CCDC178: variants seen among roughly 807,000 people sequenced by gnomAD.
CCDC178 encodes the protein coiled-coil domain-containing protein 178.
In CCDC178, 126 loss-of-function variants were observed where a neutral mutation model predicts 117.4. That is an observed-to-expected ratio of 1.07 (90% confidence interval 0.93 to 1.24). The LOEUF (loss-of-function observed/expected upper bound fraction) is 1.24, where lower values mean the gene tolerates loss of function less well. CCDC178 is among the 50% of genes most tolerant of loss of function. The pLI is 0.00. For missense variants in CCDC178, 1,030 were observed against 986.9 expected (o/e 1.04, Z -0.59); for synonymous variants, 283 against 313.4 (o/e 0.90, Z 1.02).
intron 9 of CCDC178, among the ~76,000 whole-genome samples, chr18:33,337,876 A>G (rs1369741761): frequency 6.6e-6 from 1 of 152,184 alleles, no homozygotes; most frequent in Non-Finnish European, 1.5e-5. Context: ...AGGAACCCAA[A>G]AGCAAACGCA....
chr18:33,202,549 G>A (rs890166927), intron 20 of CCDC178, among the ~76,000 whole-genome samples: 1 of 151,994 alleles, frequency 6.6e-6, no homozygotes, highest in Non-Finnish European at 1.5e-5. Flanking sequence ...ACCTTCTAAT[G>A]TTTTCTTCAC....
intron 15 of CCDC178, among the ~76,000 whole-genome samples, chr18:33,242,899 T>C (rs1487309702): frequency 6.6e-6 from 1 of 151,830 alleles, no homozygotes; most frequent in African/African-American, 2.4e-5. Flanking sequence ...AATCCCACTA[T>C]TGTTTATTTA....
At chr18:32,981,966 G>T (rs551432452) in intron 21 of CCDC178, among the ~76,000 whole-genome samples, 1 of 152,172 alleles carries the variant, frequency 6.6e-6, no homozygotes, top group Admixed American at 6.5e-5. Flanking sequence ...TAACCATAGA[G>T]CCCAGATGTT....
intron 11 of CCDC178, among the ~76,000 whole-genome samples, chr18:33,308,165 A>G (rs1202853541): frequency 6.6e-6 from 1 of 152,238 alleles, no homozygotes; most frequent in African/African-American, 2.4e-5. Flanking sequence ...AGCCCATGAA[A>G]GCAGGCTGGA....
chr18:33,432,314 C>T (rs942637208), intron 2 of CCDC178, among the ~76,000 whole-genome samples: 6 of 51,358 alleles, frequency 1.2e-4, no homozygotes, highest in Admixed American at 2.6e-4. Flanking sequence ...TTACATACTC[C>T]GTTTCTGGGC....
intron 20 of CCDC178, among the ~76,000 whole-genome samples, chr18:33,195,625 C>T (rs1476504485): frequency 6.6e-6 from 1 of 152,114 alleles, no homozygotes; most frequent in Non-Finnish European, 1.5e-5. Flanking sequence ...TCAAGTCATC[C>T]TCATATACCT....
At chr18:32,943,810 C>T (rs2054290738) in intron 22 of CCDC178, among the ~76,000 whole-genome samples, 1 of 152,174 alleles carries the variant, frequency 6.6e-6, no homozygotes, top group African/African-American at 2.4e-5. Context: ...ATTTATTGTC[C>T]ACTTGATCTT....
chr18:33,393,023 T>C (rs992502351), intron 4 of CCDC178, among the ~76,000 whole-genome samples: 1 of 152,166 alleles, frequency 6.6e-6, no homozygotes, highest in Non-Finnish European at 1.5e-5. Flanking sequence ...GAAAGCATCA[T>C]GGTCTTCCCG....
intron 21 of CCDC178, among the ~76,000 whole-genome samples, chr18:33,016,351 T>G (rs1307152292): frequency 6.6e-6 from 1 of 152,042 alleles, no homozygotes; most frequent in Non-Finnish European, 1.5e-5. Flanking sequence ...CAGATTTTGT[T>G]TGTTTTGGCT....
chr18:33,224,769 G>C lies in CCDC178; in HGVS notation c.1818+6C>G. On this transcript the variant is annotated splice_donor_region_variant and intron_variant, in intron 17 of 22. Coordinates refer to ENST00000383096, the MANE Select transcript of CCDC178 (RefSeq NM_001105528.4). ...ACATTAATTTTTGGATTAATTAAAT[G>C]CTTACAACAGAATGTTCTTTGTCGA... 6.7e-7 allele frequency: 1 copy of C among 1,484,978 alleles called. No homozygotes were observed. Among genetic ancestry groups the C allele is most frequent in the East Asian group, 2.5e-5 (1 of 40,088 alleles). The allele number at this position is 1,484,978 out of a possible 1,614,324, so 92.0% of individuals were successfully genotyped here.
rs1046001959 is a variant in CCDC178 at position 33,311,980 on chromosome 18, G to A, written c.1022+11511C>T. Among the ~76,000 whole-genome samples the A allele has an allele frequency of 2.0e-5, 3 of 152,288 alleles. 1 individual carries two copies. The highest frequency in any genetic ancestry group is 4.1e-4 in the South Asian group (2 of 4,828). ...AGCTCAACCAAGAGGCACTAAAAGGGATAGTCCTAGTAATTAATGAGTTGA... is the reference window on the plus strand; with the variant it reads ...AGCTCAACCAAGAGGCACTAAAAGGAATAGTCCTAGTAATTAATGAGTTGA... On this transcript the variant is annotated intron_variant, in intron 11 of 22. Coordinates refer to ENST00000383096, the MANE Select transcript of CCDC178 (RefSeq NM_001105528.4).
chr18:32,951,297 T>C (rs2054477135), intron 22 of CCDC178, among the ~76,000 whole-genome samples: 1 of 152,170 alleles, frequency 6.6e-6, no homozygotes. Context: ...TTCCTTCTCA[T>C]GCTGCTGTGA....
At chr18:33,113,156 G>GA (rs1210326340) in intron 20 of CCDC178, among the ~76,000 whole-genome samples, 2 of 151,778 alleles carry the variant, frequency 1.3e-5, no homozygotes, top group Non-Finnish European at 2.9e-5. Context: ...TCTGCTGAGA[G>GA]AAAAAAACAC....
chr18:33,169,036 G>T (rs931599300), intron 20 of CCDC178, among the ~76,000 whole-genome samples: 1 of 152,088 alleles, frequency 6.6e-6, no homozygotes, highest in Non-Finnish European at 1.5e-5. Flanking sequence ...TGGATAGACA[G>T]GCAGTGGCCA....
At chr18:32,962,235 A>T (rs2054718665) in intron 22 of CCDC178, among the ~76,000 whole-genome samples, 1 of 151,886 alleles carries the variant, frequency 6.6e-6, no homozygotes, top group Non-Finnish European at 1.5e-5. Context: ...ATATACTGTA[A>T]ATCTTATACT....
chr18:33,245,795 A>G (rs2059542880), intron 14 of CCDC178, among the ~76,000 whole-genome samples: 1 of 151,960 alleles, frequency 6.6e-6, no homozygotes, highest in Non-Finnish European at 1.5e-5. Flanking sequence ...GGAAAAGCCT[A>G]AACAAAAACC....
intron 21 of CCDC178, among the ~76,000 whole-genome samples, chr18:33,076,358 A>G (rs1363953351): frequency 6.6e-6 from 1 of 152,192 alleles, no homozygotes; most frequent in Non-Finnish European, 1.5e-5. Flanking sequence ...TCACACTTGA[A>G]AGGGGATTCA....
chr18:33,392,726 G>T (rs530439655), intron 4 of CCDC178, among the ~76,000 whole-genome samples: 1 of 152,204 alleles, frequency 6.6e-6, no homozygotes, highest in South Asian at 2.1e-4. Flanking sequence ...GCCGGGCATG[G>T]TGGCACGCAC....
intron 10 of CCDC178, among the ~76,000 whole-genome samples, chr18:33,326,668 T>C (rs2062588755): frequency 6.6e-6 from 1 of 152,064 alleles, no homozygotes; most frequent in South Asian, 2.1e-4. Context: ...TTGTTGTTTT[T>C]GGGTTTTTTT....
Sources: allele counts gnomAD v4.1 joint callset (sites outside exome capture counted in the v4.1 genomes callset), GRCh38; gene constraint gnomAD v4.1.1; transcripts MANE v1.5; gene names NCBI Gene and HGNC (gene_info 2026-07-23, HGNC 2026-07-21).